The following GRM7 variants were observed in gnomAD, a reference collection of about 807,000 sequenced individuals.
GRM7 encodes metabotropic glutamate receptor 7.
GRM7 carries 35 observed loss-of-function variants against 84.5 expected under a neutral mutation model. That is an observed-to-expected ratio of 0.41 (90% CI 0.32 to 0.55). The LOEUF is 0.55. GRM7 is among the 20% of genes least tolerant of loss of function. The pLI, the probability that GRM7 is intolerant of heterozygous loss-of-function variation, is 0.19. For missense variants in GRM7, 1,003 were observed against 1,194.6 expected (o/e 0.84, Z 2.36); for synonymous variants, 487 against 455.1 (o/e 1.07, Z -0.89).
At chr3:7,599,721 G>C (rs1696226037) in intron 8 of GRM7, among the ~76,000 whole-genome samples, 1 of 152,130 alleles carries the variant, frequency 6.6e-6, no homozygotes, top group Admixed American at 6.6e-5. Context: ...AACTGACAAA[G>C]AATCTTATAC....
At chr3:7,304,979 A>T (rs755711501) in intron 3 of GRM7, among the ~76,000 whole-genome samples, 1 of 152,162 alleles carries the variant, frequency 6.6e-6, no homozygotes, top group African/African-American at 2.4e-5. Context: ...ATGACAACTG[A>T]TGGGGTTCCC....
chr3:6,960,921 A>G (rs978596996), intron 1 of GRM7, among the ~76,000 whole-genome samples: 3 of 152,148 alleles, frequency 2.0e-5, no homozygotes, highest in African/African-American at 4.8e-5. Flanking sequence ...AAAATGTACT[A>G]TCCTGGTTGT....
In GRM7 at chr3:7,142,880, T is replaced by G. The variant is rs535909496; in HGVS notation, c.520-3572T>G. 2.6e-5 allele frequency among the ~76,000 whole-genome samples: 4 copies of G among 152,294 alleles called. No individual in the cohort carries two copies. The South Asian group carries it at 6.2e-4, about 24-fold the overall frequency. On this transcript the variant is annotated intron_variant, in intron 1 of 9. Transcript: ENST00000357716. ...TATTTGAAACTCATTAACAAAACCA[T>G]TCCTGTGCAATAGCCAAATTTTTAT... is the stretch of plus-strand genomic sequence containing the variant.
At chr3:7,096,128 C>A (rs891123834) in intron 1 of GRM7, among the ~76,000 whole-genome samples, 2 of 152,036 alleles carry the variant, frequency 1.3e-5, no homozygotes, top group African/African-American at 4.8e-5. Flanking sequence ...TCTGCTCTCC[C>A]CTATCCTAAA....
At chr3:7,322,491 G>T (rs1700820854) in intron 4 of GRM7, among the ~76,000 whole-genome samples, 1 of 151,678 alleles carries the variant, frequency 6.6e-6, no homozygotes, top group Non-Finnish European at 1.5e-5. Flanking sequence ...TGAGATTCTG[G>T]TGTACCTGTC....
In GRM7 at chr3:7,528,175, A is replaced by G. The variant is rs553973666; in HGVS notation, c.1516-50247A>G. ...CAGGGCGTTGTTTTGGTTGGTAGAT[A>G]TTTTTATTACTAATTCAATTATAGA... On this transcript the variant is annotated intron_variant, in intron 7 of 9. Transcript: ENST00000357716. Among the ~76,000 whole-genome samples, 7 of 151,958 alleles carry G rather than the reference A, an allele frequency of 4.6e-5. No homozygotes were observed. In the South Asian group the frequency reaches 1.2e-3, roughly 27 times the overall value.
chr3:7,319,068 C>G (rs920486146), intron 4 of GRM7, among the ~76,000 whole-genome samples: 2 of 151,944 alleles, frequency 1.3e-5, no homozygotes, highest in East Asian at 1.9e-4. Flanking sequence ...CCTAGAAATA[C>G]CAGTAGGTCC....
chr3:6,929,776 C>T (rs574841524), intron 1 of GRM7, among the ~76,000 whole-genome samples: 3 of 152,230 alleles, frequency 2.0e-5, no homozygotes, highest in African/African-American at 4.8e-5. Flanking sequence ...TCCTAAGTGG[C>T]CTGGAGGTGT....
chr3:7,453,906 G>T (rs1160769028), intron 6 of GRM7, among the ~76,000 whole-genome samples: 2 of 152,114 alleles, frequency 1.3e-5, no homozygotes, highest in South Asian at 2.1e-4. Flanking sequence ...CTTCTAAAAT[G>T]ACGGGCTGAT....
At chr3:6,891,924 G>A (rs1052808566) in intron 1 of GRM7, among the ~76,000 whole-genome samples, 15 of 152,128 alleles carry the variant, frequency 9.9e-5, no homozygotes, top group Non-Finnish European at 1.9e-4. Flanking sequence ...TGGATGCTTT[G>A]TTCATTTCTT....
chr3:6,950,255 T>C (rs1692686009), intron 1 of GRM7, among the ~76,000 whole-genome samples: 1 of 151,496 alleles, frequency 6.6e-6, no homozygotes, highest in Admixed American at 6.6e-5. Context: ...CCTTTCTGTT[T>C]GTTAGTTTTC....
chr3:7,646,402 C>A (rs1277719276), intron 8 of GRM7, among the ~76,000 whole-genome samples: 1 of 152,056 alleles, frequency 6.6e-6, no homozygotes, highest in Admixed American at 6.6e-5. Context: ...CCATGTTGGT[C>A]AGGCTGGTCT....
At chr3:6,975,973 A>C (rs1481986409) in intron 1 of GRM7, among the ~76,000 whole-genome samples, 1 of 152,188 alleles carries the variant, frequency 6.6e-6, no homozygotes. Context: ...TGTTGAAAAA[A>C]ATAAACAAGC....
At position 7,365,836 on chromosome 3, in the gene GRM7, G is replaced by A. The variant is rs561581164; in HGVS notation, c.1034-49187G>A. Among the ~76,000 whole-genome samples the A allele has an allele frequency of 3.3e-5, 5 of 150,830 alleles. No homozygotes were observed. In the South Asian group the frequency reaches 1.1e-3, roughly 32 times the overall value. On this transcript the variant is annotated intron_variant, in intron 4 of 9. Transcript: ENST00000357716. ...TTGGCTTGCAAACTTCTCTTTGGAGGAGGTAGCTCTTTCTCTAAAGGATCT... is the reference window on the plus strand; with the variant it reads ...TTGGCTTGCAAACTTCTCTTTGGAGAAGGTAGCTCTTTCTCTAAAGGATCT...
intron 7 of GRM7, chr3:7,535,245 A>C (rs1378825689): frequency 6.6e-6 from 1 of 151,992 alleles, no homozygotes; most frequent in Non-Finnish European, 1.5e-5. Context: ...TACAGGACCC[A>C]CCTGACAGGG....
intron 2 of GRM7, among the ~76,000 whole-genome samples, chr3:7,202,930 T>C (rs1322403116): frequency 5.9e-5 from 9 of 152,294 alleles, no homozygotes; most frequent in Admixed American, 5.9e-4. Context: ...ATGTATTCTT[T>C]CATTGACACA....
intron 4 of GRM7, among the ~76,000 whole-genome samples, chr3:7,314,271 C>T (rs1008519099): frequency 1.3e-5 from 2 of 152,170 alleles, no homozygotes; most frequent in Non-Finnish European, 2.9e-5. Context: ...CAGCAACTTT[C>T]TCCCTAAGTT....
intron 3 of GRM7, among the ~76,000 whole-genome samples, chr3:7,305,452 G>A (rs1341798943): frequency 6.6e-5 from 5 of 76,176 alleles, no homozygotes; most frequent in South Asian, 5.4e-4. Flanking sequence ...ACCCACTAAC[G>A]TGTCATCTAG....
intron 2 of GRM7, among the ~76,000 whole-genome samples, chr3:7,255,432 A>G (rs1183257307): frequency 1.3e-5 from 2 of 152,348 alleles, no homozygotes; most frequent in East Asian, 3.9e-4. Context: ...TCCTTCATGC[A>G]TAAAGTAAGG....
Sources: allele counts gnomAD v4.1 joint callset (sites outside exome capture counted in the v4.1 genomes callset), GRCh38; gene constraint gnomAD v4.1.1; transcripts MANE v1.5; gene names NCBI Gene and HGNC (gene_info 2026-07-23, HGNC 2026-07-21).